ADGRL3: variants seen among roughly 807,000 people sequenced by gnomAD.
ADGRL3 encodes the protein adhesion G protein-coupled receptor L3.
Under a neutral mutation model 153.5 loss-of-function variants are expected in ADGRL3, and 62 were observed. The observed-to-expected ratio is 0.40, with a 90% CI of 0.33 to 0.50. The LOEUF (loss-of-function observed/expected upper bound fraction) is 0.50, where lower values mean the gene tolerates loss of function less well. Among genes scored for constraint, ADGRL3 ranks in the 20% least tolerant of loss-of-function variants. The pLI is 0.47. For missense variants in ADGRL3, 1,641 were observed against 1,859.4 expected (o/e 0.88, Z 2.16); for synonymous variants, 710 against 672.5 (o/e 1.06, Z -0.86).
intron 1 of ADGRL3, among the ~76,000 whole-genome samples, chr4:61,274,578 A>G (rs187943102): frequency 6.6e-6 from 1 of 152,160 alleles, no homozygotes; most frequent in Admixed American, 6.6e-5. Context: ...ACAACATATT[A>G]AGGGTTAAAA....
chr4:61,656,675 T>C (rs2094451060), intron 5 of ADGRL3, among the ~76,000 whole-genome samples: 1 of 152,208 alleles, frequency 6.6e-6, no homozygotes, highest in African/African-American at 2.4e-5. Context: ...GTAGCTGTTG[T>C]ATGCTACATT....
intron 4 of ADGRL3, among the ~76,000 whole-genome samples, chr4:61,559,812 A>T (rs1427737154): frequency 1.3e-5 from 2 of 148,758 alleles, no homozygotes; most frequent in African/African-American, 2.5e-5. Flanking sequence ...GCAAAACCAT[A>T]ATCATTTTTT....
At chr4:61,816,722 C>T (rs57991081) in intron 9 of ADGRL3, among the ~76,000 whole-genome samples, 8,140 of 152,254 alleles carry the variant, frequency 0.053, 364 homozygotes, top group African/African-American at 0.12. Context: ...GGAACAGCCG[C>T]TGTGGGGATG....
intron 1 of ADGRL3, among the ~76,000 whole-genome samples, chr4:61,235,692 A>G (rs1359126975): frequency 1.3e-5 from 2 of 152,196 alleles, no homozygotes; most frequent in Non-Finnish European, 2.9e-5. Flanking sequence ...ACTATTGGCT[A>G]AGAACATCAC....
In ADGRL3 at chr4:61,448,820, G is replaced by A. The variant is rs1252194615; in HGVS notation, c.-173-48301G>A. 1.7e-4 allele frequency among the ~76,000 whole-genome samples: 18 copies of A among 103,786 alleles called. 1 individual carries two copies. The highest frequency in any genetic ancestry group is 6.0e-4 in the African/African-American group (17 of 28,174). The allele number at this position is 103,786 out of a possible 152,430, so 68.1% of individuals were successfully genotyped here. On this transcript the variant is annotated intron_variant, in intron 2 of 26. Transcript: ENST00000683033. ...GGAGGGAGGAAGGGAGGGAAGGAAGGAAGGAAGAAGGGAGGGAGGGAAGGA... is the reference window on the plus strand; with the variant it reads ...GGAGGGAGGAAGGGAGGGAAGGAAGAAAGGAAGAAGGGAGGGAGGGAAGGA...
chr4:61,519,299 G>A (rs898317221), intron 4 of ADGRL3, among the ~76,000 whole-genome samples: 8 of 152,142 alleles, frequency 5.3e-5, no homozygotes, highest in African/African-American at 1.4e-4. Flanking sequence ...GCAAGTTACA[G>A]TGCAGTGACG....
Position 61,202,355 on chromosome 4 carries a change from G to C in ADGRL3, c.-240+590G>C, listed in dbSNP as rs1735108373. 6.5e-6 allele frequency: 1 copy of C among 152,708 alleles called. No homozygotes were observed. Among genetic ancestry groups the C allele is most frequent in the Non-Finnish European group, 1.5e-5 (1 of 68,476 alleles). 9.5% of individuals were successfully genotyped at this position (152,708 alleles called of 1,614,324 possible). On this transcript the variant is annotated intron_variant, in intron 1 of 26. Coordinates refer to ENST00000683033, the MANE Select transcript of ADGRL3 (RefSeq NM_001387552.1). This position sits in a 1 kb window ranked among gnomAD's most constrained non-coding sequence, Gnocchi z 5.0. ...CCAGGTCGCGCCCCTGAGTCTTGGA[G>C]TCGCGCTGCCTCCCCGCGCCCTGCC...
chr4:61,228,466 G>A (rs1182224388), intron 1 of ADGRL3, among the ~76,000 whole-genome samples: 3 of 152,108 alleles, frequency 2.0e-5, no homozygotes, highest in Non-Finnish European at 4.4e-5. Context: ...TACTATGAAA[G>A]TTATAGAACT....
chr4:61,717,658 T>C (rs1259502357), intron 6 of ADGRL3, among the ~76,000 whole-genome samples: 2 of 152,212 alleles, frequency 1.3e-5, no homozygotes, highest in Non-Finnish European at 2.9e-5. Context: ...CTTCTTGTTT[T>C]AAAATTATGC....
intron 9 of ADGRL3, among the ~76,000 whole-genome samples, chr4:61,858,363 C>T (rs2098302043): frequency 6.6e-6 from 1 of 152,196 alleles, no homozygotes; most frequent in Non-Finnish European, 1.5e-5. Context: ...TGGCTCACGC[C>T]TGTAATCCCA....
chr4:61,637,040 T>C (rs923919623), intron 5 of ADGRL3, among the ~76,000 whole-genome samples: 6 of 152,132 alleles, frequency 3.9e-5, no homozygotes, highest in African/African-American at 1.4e-4. Context: ...ATATTAAAGG[T>C]ACATATAACA....
intron 21 of ADGRL3, among the ~76,000 whole-genome samples, chr4:62,010,704 A>T (rs199714783): frequency 6.6e-6 from 1 of 151,896 alleles, no homozygotes; most frequent in Non-Finnish European, 1.5e-5. Context: ...TCTTATGAAA[A>T]GGGAACATTT....
chr4:61,919,170 C>T (rs1253156873), intron 13 of ADGRL3, among the ~76,000 whole-genome samples: 2 of 152,164 alleles, frequency 1.3e-5, no homozygotes, highest in African/African-American at 2.4e-5. Flanking sequence ...TAGCAGTGTG[C>T]ATACAATGTA....
Position 61,573,712 on chromosome 4 carries a change from C to A in ADGRL3, c.260-13515C>A, listed in dbSNP as rs534303678. Among the ~76,000 whole-genome samples, 20 of 152,052 alleles carry A rather than the reference C, an allele frequency of 1.3e-4. No individual in the cohort carries two copies. The South Asian group carries it at 4.1e-3, about 31-fold the overall frequency. On this transcript the variant is annotated intron_variant, in intron 4 of 26. Coordinates refer to ENST00000683033, the MANE Select transcript of ADGRL3 (RefSeq NM_001387552.1). The stretch of plus-strand genomic sequence containing the variant: ...GGACAAGAAGGCCATTCAATCAAAA[C>A]TGATAAATATAAAGAATGAAATGAA...
intron 1 of ADGRL3, chr4:61,211,658 CCTTACTCA>C (rs765816047): frequency 3.9e-5 from 6 of 152,134 alleles, no homozygotes; most frequent in Non-Finnish European, 8.8e-5. Context: ...GAAAATGGTT[CCTTACTCA>C]CTTCACCAAC....
intron 8 of ADGRL3, among the ~76,000 whole-genome samples, chr4:61,743,874 G>A (rs1226034704): frequency 1.3e-5 from 2 of 152,194 alleles, no homozygotes; most frequent in Non-Finnish European, 2.9e-5. Context: ...GACAGTGGGT[G>A]CAGCACACCG....
chr4:61,947,081 T>A lies in ADGRL3; in HGVS notation c.2587T>A (p.Tyr863Asn), dbSNP rs1254325050. 1.2e-6 allele frequency: 2 copies of A among 1,613,740 alleles called. No homozygotes were observed. Among genetic ancestry groups the A allele is most frequent in the African/African-American group, 2.7e-5 (2 of 74,918 alleles). The change falls in exon 16 of 27, where the codon TAT (tyrosine) becomes AAT (asparagine). Residue 863 changes from tyrosine to asparagine, a missense_variant. By Grantham distance (143) the Tyr-to-Asn change is moderately radical (BLOSUM62 -2). Around this residue, in one of 5 missense-constraint regions of ADGRL3, gnomAD observed 734 missense variants for 797.0 expected, o/e 0.92. Coordinates refer to ENST00000683033, the MANE Select transcript of ADGRL3 (RefSeq NM_001387552.1). ...AAACAAAGAGTTCAGTAACAAGGTT[T>A]ATTTGGCTGATCCTGTGGTATTTAC... ...AINKEFSNKV[Y>N]LADPVVFTVK... is the part of the protein sequence containing the mutation.
Position 61,909,716 on chromosome 4 carries a change from A to G in ADGRL3, c.2044A>G (p.Lys682Glu). ...VQLRNLTPGG[K>E]DSAARSLNKL... ...GCTTCGGAACTTGACCCCAGGTGGAAAAGATAGTGCTGCCCGGAGTTTGAA... is the reference window on the plus strand; with the variant it reads ...GCTTCGGAACTTGACCCCAGGTGGAGAAGATAGTGCTGCCCGGAGTTTGAA... Residue 682 changes from lysine (K) to glutamate (E), a missense_variant, in exon 12 of 27, where the codon AAA becomes GAA. Physicochemically the swap from Lys to Glu is moderately conservative, Grantham distance 56. Transcript: ENST00000683033. 1 of 1,570,724 alleles carries G rather than the reference A, an allele frequency of 6.4e-7. No individual in the cohort carries two copies.
At chr4:61,521,491 G>A (rs1392119495) in intron 4 of ADGRL3, among the ~76,000 whole-genome samples, 1 of 152,112 alleles carries the variant, frequency 6.6e-6, no homozygotes, top group Non-Finnish European at 1.5e-5. Flanking sequence ...AATTAAGCAA[G>A]GAGTGACACA....
Sources: gnomAD v4.1 joint callset for allele counts (sites outside exome capture counted in the v4.1 genomes callset) on GRCh38, gnomAD v4.1.1 for gene constraint, gnomAD v4.1.1 regional missense constraint, Gnocchi (gnomAD v3.1) non-coding constraint, MANE v1.5 for transcripts, NCBI Gene and HGNC (gene_info 2026-07-23, HGNC 2026-07-21) for gene names.